Variants in CLHC1 observed in about 807,000 individuals in gnomAD.
The protein encoded by CLHC1 is clathrin heavy chain linker domain containing 1, also known as clathrin heavy chain linker domain-containing protein 1.
CLHC1 carries 72 observed loss-of-function variants against 69.5 expected under a neutral mutation model. The ratio of observed to expected loss-of-function variants is 1.04; its 90% CI spans 0.86 to 1.26. CLHC1 has a LOEUF of 1.26. Ranked by LOEUF, CLHC1 falls within the 50% of genes most tolerant of loss-of-function variation. CLHC1 has a pLI of 0.00. For missense variants in CLHC1, 790 were observed against 679.3 expected (o/e 1.16, Z -1.81); for synonymous variants, 223 against 224.3 (o/e 0.99, Z 0.05).
At chr2:55,183,672 G>C (rs10193886) in intron 9 of CLHC1, among the ~76,000 whole-genome samples, 47,767 of 152,152 alleles carry the variant, frequency 0.31, 7,791 homozygotes, top group African/African-American at 0.38. Flanking sequence ...TTCTGAATAA[G>C]TGGCATGGTG....
chr2:55,175,598 T>G lies in CLHC1; in HGVS notation c.*192A>C. 1 of 526,038 alleles carries G rather than the reference T, an allele frequency of 1.9e-6. No homozygotes were observed. The allele number at this position is 526,038 out of a possible 1,614,324, so 32.6% of individuals were successfully genotyped here. ...CAAGATTCAATATAAGAAATGACCATATGGGGAAAAGGAAGCAATAGTATA... is the reference window on the plus strand; with the variant it reads ...CAAGATTCAATATAAGAAATGACCAGATGGGGAAAAGGAAGCAATAGTATA... On this transcript the variant is annotated 3_prime_UTR_variant, in exon 13 of 13. Transcript: ENST00000401408.
At chr2:55,186,691 C>G (rs1670444948) in intron 9 of CLHC1, among the ~76,000 whole-genome samples, 1 of 152,092 alleles carries the variant, frequency 6.6e-6, no homozygotes, top group African/African-American at 2.4e-5. Flanking sequence ...GGGAGGATCA[C>G]TTGAGCCCAG....
At chr2:55,202,266 A>C (rs1196749208) in intron 9 of CLHC1, among the ~76,000 whole-genome samples, 2 of 151,656 alleles carry the variant, frequency 1.3e-5, no homozygotes, top group Non-Finnish European at 2.9e-5. Context: ...AAAAAAAAAA[A>C]AAAACCTAGC....
intron 1 of CLHC1, among the ~76,000 whole-genome samples, chr2:55,231,612 G>A (rs916563580): frequency 2.6e-5 from 4 of 152,152 alleles, no homozygotes; most frequent in African/African-American, 4.8e-5. Context: ...GGTCGCAGAG[G>A]GCAGAGGATG....
At chr2:55,204,489 A>C (rs1672251355) in intron 9 of CLHC1, among the ~76,000 whole-genome samples, 1 of 152,212 alleles carries the variant, frequency 6.6e-6, no homozygotes, top group Admixed American at 6.5e-5. Context: ...GAATGTGGAG[A>C]AAAGGGAACC....
At chr2:55,211,056 C>T (rs1222274761) in intron 5 of CLHC1, among the ~76,000 whole-genome samples, 1 of 152,130 alleles carries the variant, frequency 6.6e-6, no homozygotes. Flanking sequence ...ACAAAATACT[C>T]CTCCCCCAGA....
intron 9 of CLHC1, among the ~76,000 whole-genome samples, chr2:55,184,814 A>C (rs1200641490): frequency 6.6e-6 from 1 of 151,852 alleles, no homozygotes; most frequent in Non-Finnish European, 1.5e-5. Context: ...CTGAGGCAGG[A>C]GAATCGCTTG....
intron 9 of CLHC1, among the ~76,000 whole-genome samples, chr2:55,202,578 G>T (rs1053740380): frequency 6.8e-6 from 1 of 146,658 alleles, no homozygotes; most frequent in Non-Finnish European, 1.5e-5. Context: ...AAAAGTAAAA[G>T]AAAAAAATCT....
chr2:55,187,713 G>A (rs942051149), intron 9 of CLHC1, among the ~76,000 whole-genome samples: 4 of 151,928 alleles, frequency 2.6e-5, no homozygotes, highest in African/African-American at 7.3e-5. Context: ...ACAGCAAAAC[G>A]ATGATATTTT....
Position 55,181,729 on chromosome 2 carries a change from C to G in CLHC1, c.1022G>C (p.Arg341Thr), listed in dbSNP as rs771026036. Residue 341 changes from arginine (R) to threonine (T), a missense_variant, in exon 10 of 13, where the codon AGA becomes ACA. By Grantham distance (71) the Arg-to-Thr change is moderately conservative (BLOSUM62 -1). Transcript: ENST00000401408. ...MNTFKAVGKI[R>T]GKPLPLLLFF... is the part of the protein sequence containing the mutation. ...TAAGAGTAATGGAAGAGGCTTTCCTCTAATTTTTCCAACAGCTACAGAAAG... is the reference window on the plus strand; with the variant it reads ...TAAGAGTAATGGAAGAGGCTTTCCTGTAATTTTTCCAACAGCTACAGAAAG... 1.9e-6 allele frequency: 3 copies of G among 1,611,410 alleles called. No individual in the cohort carries two copies. In the South Asian group the frequency reaches 3.3e-5, roughly 18 times the overall value.
intron 7 of CLHC1, among the ~76,000 whole-genome samples, chr2:55,209,015 T>G (rs1672723678): frequency 6.6e-6 from 1 of 151,772 alleles, no homozygotes; most frequent in Non-Finnish European, 1.5e-5. Context: ...GGACTACAGG[T>G]GCCTGCAACC....
At chr2:55,216,812 C>G (rs1673559659) in intron 4 of CLHC1, among the ~76,000 whole-genome samples, 1 of 152,056 alleles carries the variant, frequency 6.6e-6, no homozygotes, top group African/African-American at 2.4e-5. Context: ...TGTGAGCCAC[C>G]CTGTGCGGAC....
intron 3 of CLHC1, 68 bp from the exon 4 acceptor site, chr2:55,218,066 C>A: frequency 1.3e-6 from 1 of 761,704 alleles, no homozygotes; most frequent in Non-Finnish European, 2.0e-6. Flanking sequence ...GAAATTCTTG[C>A]AAATAACATT....
intron 9 of CLHC1, among the ~76,000 whole-genome samples, chr2:55,190,751 T>C (rs1388944486): frequency 6.6e-6 from 1 of 152,154 alleles, no homozygotes; most frequent in African/African-American, 2.4e-5. Context: ...ACTTCAGGCA[T>C]ATAACTGACA....
chr2:55,193,716 T>A (rs1302509356), intron 9 of CLHC1, among the ~76,000 whole-genome samples: 1 of 152,174 alleles, frequency 6.6e-6, no homozygotes, highest in Non-Finnish European at 1.5e-5. Flanking sequence ...TAGCAATTCC[T>A]CAAAGTGTTA....
intron 9 of CLHC1, among the ~76,000 whole-genome samples, chr2:55,204,269 A>G (rs1176648289): frequency 1.3e-5 from 2 of 152,162 alleles, no homozygotes; most frequent in Non-Finnish European, 2.9e-5. Flanking sequence ...GGGCAACAAG[A>G]GGGAAACTCT....
intron 9 of CLHC1, among the ~76,000 whole-genome samples, chr2:55,195,683 T>A (rs1455694551): frequency 6.6e-6 from 1 of 152,078 alleles, no homozygotes; most frequent in African/African-American, 2.4e-5. Context: ...GCACCTGTAA[T>A]CCCAGCTATT....
At chr2:55,199,514 CA>C in intron 9 of CLHC1, among the ~76,000 whole-genome samples, 1 of 151,952 alleles carries the variant, frequency 6.6e-6, no homozygotes, top group East Asian at 1.9e-4. Flanking sequence ...ATAATTACTA[CA>C]AAAACTTTTC....
intron 4 of CLHC1, among the ~76,000 whole-genome samples, chr2:55,217,586 C>T (rs1280413078): frequency 1.3e-5 from 1 of 75,236 alleles, no homozygotes; most frequent in Non-Finnish European, 2.5e-5. Context: ...TATATATATA[C>T]TAAGAGGTAC....
Sources: gnomAD v4.1 joint callset for allele counts (sites outside exome capture counted in the v4.1 genomes callset) on GRCh38, gnomAD v4.1.1 for gene constraint, MANE v1.5 for transcripts, NCBI Gene and HGNC (gene_info 2026-07-23, HGNC 2026-07-21) for gene names.